BBX: variants seen among roughly 807,000 people sequenced by gnomAD.
BBX encodes the protein BBX high mobility group box domain containing.
A neutral mutation model predicts 100.2 loss-of-function variants in BBX; 30 were observed. The ratio of observed to expected loss-of-function variants is 0.30; its 90% CI spans 0.22 to 0.41. The LOEUF is 0.41. Among genes scored for constraint, BBX ranks in the 10% least tolerant of loss-of-function variants. The probability of loss-of-function intolerance (pLI) is 1.00; values close to 1 mark genes in which losing one functional copy is unlikely to be tolerated. For missense variants in BBX, 1,023 were observed against 1,129.8 expected (o/e 0.91, Z 1.35); for synonymous variants, 376 against 388.1 (o/e 0.97, Z 0.37).
chr3:107,571,220 A>G (rs1281957826), intron 2 of BBX, among the ~76,000 whole-genome samples: 1 of 152,038 alleles, frequency 6.6e-6, no homozygotes, highest in Non-Finnish European at 1.5e-5. Context: ...CAGCCCTGGG[A>G]CGCAATGTGG....
intron 3 of BBX, among the ~76,000 whole-genome samples, chr3:107,651,005 G>A (rs999336771): frequency 3.9e-5 from 6 of 152,122 alleles, no homozygotes; most frequent in African/African-American, 1.4e-4. Flanking sequence ...GAGCTCTAGT[G>A]TCTCTTCCTC....
At chr3:107,532,441 G>T (rs541242073) in intron 2 of BBX, among the ~76,000 whole-genome samples, 3 of 152,150 alleles carry the variant, frequency 2.0e-5, no homozygotes, top group Non-Finnish European at 2.9e-5. Context: ...TACTTTAATT[G>T]TTCTAATTGG....
chr3:107,533,154 G>T (rs941583849), intron 2 of BBX, among the ~76,000 whole-genome samples: 1 of 152,112 alleles, frequency 6.6e-6, no homozygotes, highest in African/African-American at 2.4e-5. Flanking sequence ...AGCTAGGAAT[G>T]TTATGTAATA....
chr3:107,621,886 C>T (rs1165992906), intron 2 of BBX, among the ~76,000 whole-genome samples: 1 of 152,088 alleles, frequency 6.6e-6, no homozygotes. Flanking sequence ...ATAGATACAC[C>T]AGTAATTTGT....
At chr3:107,798,826 C>G in intron 16 of BBX, 106 bp downstream of exon 16, 1 of 1,058,128 alleles carries the variant, frequency 9.5e-7, no homozygotes, top group Non-Finnish European at 1.4e-6. Context: ...CTAACAATAG[C>G]CAATGAGCTA....
At chr3:107,720,849 A>G (rs1477567021) in intron 5 of BBX, among the ~76,000 whole-genome samples, 1 of 152,060 alleles carries the variant, frequency 6.6e-6, no homozygotes, top group Non-Finnish European at 1.5e-5. Flanking sequence ...TAATTTTTGT[A>G]AAGACCATTC....
intron 13 of BBX, among the ~76,000 whole-genome samples, chr3:107,778,854 G>T (rs1216976943): frequency 1.7e-4 from 25 of 151,484 alleles, no homozygotes; most frequent in Admixed American, 1.6e-3. Flanking sequence ...GTTGAGTCCA[G>T]TTCTTCTGTT....
intron 3 of BBX, among the ~76,000 whole-genome samples, chr3:107,695,786 G>T (rs2060548138): frequency 6.6e-6 from 1 of 151,358 alleles, no homozygotes; most frequent in South Asian, 2.1e-4. Flanking sequence ...GTCTAATGTT[G>T]ACAGTGGGGT....
intron 2 of BBX, among the ~76,000 whole-genome samples, chr3:107,527,645 C>T (rs1372029264): frequency 2.0e-5 from 3 of 152,136 alleles, no homozygotes; most frequent in African/African-American, 4.8e-5. Flanking sequence ...TTGCATCGAA[C>T]ATTTTCTATG....
chr3:107,538,299 C>G (rs959332372), intron 2 of BBX, among the ~76,000 whole-genome samples: 1 of 152,128 alleles, frequency 6.6e-6, no homozygotes, highest in Non-Finnish European at 1.5e-5. Flanking sequence ...GGAATGGGAT[C>G]ACACATGAGC....
chr3:107,793,993 T>TA (rs1192600772), intron 15 of BBX, among the ~76,000 whole-genome samples: 2 of 151,956 alleles, frequency 1.3e-5, no homozygotes, highest in African/African-American at 2.4e-5. Context: ...ATATATGTAT[T>TA]AAAAAAAATT....
At chr3:107,697,475 C>T (rs1376820354) in intron 3 of BBX, among the ~76,000 whole-genome samples, 1 of 151,860 alleles carries the variant, frequency 6.6e-6, no homozygotes, top group Non-Finnish European at 1.5e-5. Flanking sequence ...TGTCAGTCTG[C>T]CCCTGCTGGG....
intron 2 of BBX, among the ~76,000 whole-genome samples, chr3:107,611,351 C>G (rs978218433): frequency 2.0e-5 from 3 of 152,046 alleles, no homozygotes; most frequent in African/African-American, 7.2e-5. Context: ...CAAATGATTT[C>G]TTCTTGCTCA....
At position 107,693,781 on chromosome 3, in the gene BBX, C is replaced by T. The variant is rs923927361; in HGVS notation, c.-9-16671C>T. On this transcript the variant is annotated intron_variant, in intron 3 of 17. Transcript: ENST00000325805. ...GGGATGGCACTGAATCTGTAAATTACCTTGGGTGGTATGGCCATTTTCACG... is the reference window on the plus strand; with the variant it reads ...GGGATGGCACTGAATCTGTAAATTATCTTGGGTGGTATGGCCATTTTCACG... Among the ~76,000 whole-genome samples the T allele has an allele frequency of 4.0e-5, 6 of 151,558 alleles. 1 individual carries two copies. The highest frequency in any genetic ancestry group is 1.5e-4 in the African/African-American group (6 of 40,946).
chr3:107,726,183 CTCA>C (rs2062918430), intron 5 of BBX, among the ~76,000 whole-genome samples: 2 of 152,030 alleles, frequency 1.3e-5, no homozygotes, highest in South Asian at 4.1e-4. Context: ...TCCTAATAAT[CTCA>C]TCACAACAAA....
At chr3:107,755,759 T>C in intron 10 of BBX, 81 bp downstream of exon 10, 2 of 1,181,992 alleles carry the variant, frequency 1.7e-6, no homozygotes, top group Admixed American at 1.7e-5. Context: ...CCCTAAACTG[T>C]ACCATCTCTC....
At chr3:107,603,961 C>G (rs1453881367) in intron 2 of BBX, among the ~76,000 whole-genome samples, 1 of 151,978 alleles carries the variant, frequency 6.6e-6, no homozygotes, top group African/African-American at 2.4e-5. Context: ...GACTTGCCTT[C>G]TTGTGATACT....
intron 2 of BBX, among the ~76,000 whole-genome samples, chr3:107,619,509 T>C (rs759590392): frequency 5.3e-5 from 8 of 152,114 alleles, no homozygotes; most frequent in Non-Finnish European, 1.0e-4. Flanking sequence ...GGAAAACTTA[T>C]TATATTTACC....
At chr3:107,700,450 T>C (rs200940127) in intron 3 of BBX, among the ~76,000 whole-genome samples, 1 of 139,076 alleles carries the variant, frequency 7.2e-6, no homozygotes, top group Non-Finnish European at 1.5e-5. Flanking sequence ...TTATTATTAT[T>C]ATTATACTTT....
Sources: gnomAD v4.1 joint callset for allele counts (sites outside exome capture counted in the v4.1 genomes callset) on GRCh38, gnomAD v4.1.1 for gene constraint, MANE v1.5 for transcripts, NCBI Gene and HGNC (gene_info 2026-07-23, HGNC 2026-07-21) for gene names.